Variants in CEP128 observed in about 807,000 individuals in gnomAD.
The protein encoded by CEP128 is centrosomal protein 128.
A neutral mutation model predicts 156.7 loss-of-function variants in CEP128; 132 were observed. The observed-to-expected ratio is 0.84, with a 90% CI of 0.73 to 0.97. The LOEUF is 0.97. Among genes scored for constraint, CEP128 ranks in the 50% least tolerant of loss-of-function variants. CEP128 has a pLI of 0.00. For synonymous variants in CEP128, 469 were observed against 448.9 expected, an observed-to-expected ratio of 1.04 and a Z score of -0.57; for missense variants, 1,252 against 1,281.9, an observed-to-expected ratio of 0.98 and a Z score of 0.36.
At position 80,865,692 on chromosome 14, in the gene CEP128, A is replaced by G. The variant is rs1033112904; in HGVS notation, c.646-2819T>C. 2.6e-5 allele frequency among the ~76,000 whole-genome samples: 4 copies of G among 152,156 alleles called. No individual in the cohort carries two copies. In the East Asian group the frequency reaches 7.7e-4, roughly 29 times the overall value. On this transcript the variant is annotated intron_variant, in intron 8 of 24. Coordinates refer to ENST00000555265, the MANE Select transcript of CEP128 (RefSeq NM_152446.5). ...GCAAAAAACTGACTTCCAATTTGCT[A>G]GCATCTTCCCTCTTGCCAGTCATCT... is the stretch of plus-strand genomic sequence containing the variant.
chr14:80,527,197 G>A, intron 22 of CEP128: 2 of 552,002 alleles, frequency 3.6e-6, no homozygotes, highest in Non-Finnish European at 6.7e-6. Context: ...AGGAGGCCAA[G>A]GTGGGAGGAT....
chr14:80,532,198 TATA>T (rs887578504), intron 21 of CEP128, among the ~76,000 whole-genome samples: 2 of 151,966 alleles, frequency 1.3e-5, no homozygotes, highest in African/African-American at 4.8e-5. Context: ...TATATATATA[TATA>T]TTTTTTTTCT....
intron 23 of CEP128, among the ~76,000 whole-genome samples, chr14:80,506,410 A>AT (rs11417550): frequency 0.73 from 100,980 of 137,648 alleles, 38,992 homozygotes; most frequent in East Asian, 0.86. Context: ...GCTTTGATTT[A>AT]TTTTTTTTTT....
At chr14:80,529,405 G>A (rs1008328739) in intron 22 of CEP128, among the ~76,000 whole-genome samples, 1 of 152,134 alleles carries the variant, frequency 6.6e-6, no homozygotes, top group Non-Finnish European at 1.5e-5. Flanking sequence ...CTAGCTCATA[G>A]GATTAAAAAT....
intron 20 of CEP128, among the ~76,000 whole-genome samples, chr14:80,562,794 G>A (rs61981673): frequency 0.16 from 24,669 of 150,648 alleles, 2,261 homozygotes; most frequent in East Asian, 0.19. Flanking sequence ...CCAAGTAACC[G>A]GGAGTATAGG....
At chr14:80,546,600 T>C (rs1040089962) in intron 21 of CEP128, among the ~76,000 whole-genome samples, 3 of 152,192 alleles carry the variant, frequency 2.0e-5, no homozygotes, top group Non-Finnish European at 2.9e-5. Flanking sequence ...ATCCACATAC[T>C]TTAAGTCAGC....
chr14:80,831,808 T>C (rs1241321703), intron 12 of CEP128, among the ~76,000 whole-genome samples: 3 of 152,188 alleles, frequency 2.0e-5, no homozygotes, highest in Non-Finnish European at 4.4e-5. Context: ...ACTTAGTATT[T>C]AAATCAACAT....
intron 19 of CEP128, among the ~76,000 whole-genome samples, chr14:80,720,334 T>C (rs1897768631): frequency 6.6e-6 from 1 of 152,110 alleles, no homozygotes; most frequent in African/African-American, 2.4e-5. Flanking sequence ...ATTGAAAGGT[T>C]GAAGGACAGT....
At chr14:80,566,192 C>A (rs902384657) in intron 20 of CEP128, among the ~76,000 whole-genome samples, 1 of 152,168 alleles carries the variant, frequency 6.6e-6, no homozygotes, top group Admixed American at 6.5e-5. Flanking sequence ...CACTGCATGG[C>A]GTTCTTCCTT....
chr14:80,483,279 T>C (rs1887092723), intron 14 of CEP128, among the ~76,000 whole-genome samples: 2 of 152,170 alleles, frequency 1.3e-5, no homozygotes, highest in Non-Finnish European at 2.9e-5. Flanking sequence ...TCCACAAATA[T>C]GACGGCCAAC....
downstream of CEP128, among the ~76,000 whole-genome samples, chr14:80,495,167 G>A (rs569054528): frequency 3.9e-5 from 6 of 152,330 alleles, no homozygotes; most frequent in South Asian, 1.0e-3. Context: ...CAATATGGTG[G>A]ACCAGCTACT....
chr14:80,786,485 A>T lies in CEP128; in HGVS notation c.1561-940T>A, dbSNP rs941936426. ...AACAATTTATGACAAAAATTTAATG[A>T]GTCAATCACTCCAAAAAAAAGTTTC... On this transcript the variant is annotated intron_variant, in intron 14 of 24. Coordinates refer to ENST00000555265, the MANE Select transcript of CEP128 (RefSeq NM_152446.5). Among the ~76,000 whole-genome samples the T allele has an allele frequency of 5.9e-5, 9 of 152,338 alleles. No homozygotes were observed. In the South Asian group the frequency reaches 1.4e-3, roughly 25 times the overall value.
intron 24 of CEP128, among the ~76,000 whole-genome samples, chr14:80,499,314 C>T (rs970183769): frequency 6.6e-6 from 1 of 152,130 alleles, no homozygotes; most frequent in African/African-American, 2.4e-5. Context: ...TTTCACCCCA[C>T]GGACTTAAAC....
chr14:80,798,550 A>G (rs771130595), intron 13 of CEP128, among the ~76,000 whole-genome samples: 2 of 152,222 alleles, frequency 1.3e-5, no homozygotes, highest in Non-Finnish European at 2.9e-5. Flanking sequence ...GTATGGAGCA[A>G]AATTTTAGAC....
chr14:80,889,981 A>G (rs2139366378), intron 8 of CEP128, among the ~76,000 whole-genome samples: 1 of 152,298 alleles, frequency 6.6e-6, no homozygotes, highest in Middle Eastern at 3.4e-3. Context: ...ATGAACAGAC[A>G]CCTCTCAAAA....
intron 20 of CEP128, among the ~76,000 whole-genome samples, chr14:80,564,629 G>A (rs1044832567): frequency 6.6e-5 from 10 of 152,154 alleles, no homozygotes; most frequent in African/African-American, 2.2e-4. Flanking sequence ...CTGGGTGTAG[G>A]CTGAACTAAC....
intron 16 of CEP128, among the ~76,000 whole-genome samples, chr14:80,766,938 C>A (rs1219638637): frequency 3.3e-5 from 5 of 152,124 alleles, no homozygotes; most frequent in Admixed American, 3.3e-4. Context: ...TACTGACATG[C>A]ACACATCCCC....
chr14:80,540,200 C>A (rs1022920281), intron 21 of CEP128, among the ~76,000 whole-genome samples: 8 of 148,572 alleles, frequency 5.4e-5, no homozygotes, highest in Non-Finnish European at 8.9e-5. Flanking sequence ...TTCTTACACC[C>A]CCCCCCCTTT....
At chr14:80,797,793 T>C (rs1338986558) in intron 13 of CEP128, among the ~76,000 whole-genome samples, 1 of 152,192 alleles carries the variant, frequency 6.6e-6, no homozygotes, top group East Asian at 1.9e-4. Flanking sequence ...ATAAATGCTT[T>C]CAGGGTATTT....
Sources: gnomAD v4.1 joint callset for allele counts (sites outside exome capture counted in the v4.1 genomes callset) on GRCh38, gnomAD v4.1.1 for gene constraint, MANE v1.5 for transcripts, NCBI Gene and HGNC (gene_info 2026-07-23, HGNC 2026-07-21) for gene names.